The following RELN variants were observed in gnomAD, a reference collection of about 807,000 sequenced individuals.
RELN encodes the protein reelin.
In RELN, 108 loss-of-function variants were observed where a neutral mutation model predicts 427.6. That is an observed-to-expected ratio of 0.25 (90% CI 0.22 to 0.30). The LOEUF is 0.30. Among genes scored for constraint, RELN ranks in the 10% least tolerant of loss-of-function variants. The probability of loss-of-function intolerance (pLI) is 1.00; values close to 1 mark genes in which losing one functional copy is unlikely to be tolerated. For missense variants in RELN, 3,715 were observed against 4,302.8 expected (o/e 0.86, Z 3.82); for synonymous variants, 1,524 against 1,513.4 (o/e 1.01, Z -0.16).
rs74734935 is a variant in RELN, at chr7:103,776,946, C to G, written c.474-319G>C. Among the ~76,000 whole-genome samples, 163 of 152,178 alleles carry G rather than the reference C, an allele frequency of 1.1e-3. 1 individual carries two copies. In the East Asian group the frequency reaches 0.026, roughly 25 times the overall value. The stretch of plus-strand genomic sequence containing the variant: ...CTTATTAAAATTTCTTCTTCAGGAG[C>G]CTTTGATATAAAATGTTTTGTGGAG... On this transcript the variant is annotated intron_variant, in intron 3 of 64. Transcript: ENST00000428762.
chr7:103,552,791 C>T (rs114490579), intron 40 of RELN, among the ~76,000 whole-genome samples: 1,583 of 152,074 alleles, frequency 0.01, 37 homozygotes, highest in African/African-American at 0.037. Flanking sequence ...TAAGCCACCA[C>T]GCCTGGCTGA....
chr7:103,958,758 T>G (rs1467652799), intron 1 of RELN, among the ~76,000 whole-genome samples: 5 of 151,834 alleles, frequency 3.3e-5, no homozygotes, highest in Non-Finnish European at 7.4e-5. Context: ...GCTTCTTCAT[T>G]GCAAAACTAA....
intron 2 of RELN, among the ~76,000 whole-genome samples, chr7:103,865,895 T>C (rs189957047): frequency 3.3e-5 from 5 of 152,256 alleles, no homozygotes; most frequent in African/African-American, 1.2e-4. Context: ...AAAGTATTTA[T>C]TGTGAAAGGC....
In RELN at chr7:103,566,226, A is replaced by G. The variant is rs537366000; in HGVS notation, c.4934T>C (p.Ile1645Thr). Reference protein sequence around the residue: ...MDTALIFTENIGKPRYAETWD... With the variant: ...MDTALIFTENTGKPRYAETWD... ...CTTTATCTGGTGACAATATATACCT[A>G]TGTTTTCAGTGAATATCAGAGCAGT... Residue 1645 changes from isoleucine to threonine, a missense_variant and splice_region_variant, in exon 33 of 65, where the codon ATA becomes ACA. Around this residue, in one of 4 missense-constraint regions of RELN, gnomAD observed 2,208 missense variants for 2,361.7 expected, o/e 0.93. Transcript: ENST00000428762. The G allele has an allele frequency of 3.5e-4, 564 of 1,610,570 alleles. 10 individuals carry two copies. The South Asian group carries it at 5.8e-3, about 17-fold the overall frequency.
At position 103,953,585 on chromosome 7, in the gene RELN, A is replaced by G. The variant is rs1448782880; in HGVS notation, c.226+35546T>C. On this transcript the variant is annotated intron_variant, in intron 1 of 64. Transcript: ENST00000428762. This position sits in a 1 kb window ranked among gnomAD's most constrained non-coding sequence, Gnocchi z 4.3. ...CAATCTAAATACCAAATGAGAGTGT[A>G]ATCTCAACTAGCAGTCGTAGTAAAA... Among the ~76,000 whole-genome samples the G allele has an allele frequency of 1.3e-5, 2 of 152,216 alleles. No homozygotes were observed. The highest frequency in any genetic ancestry group is 2.9e-5 in the Non-Finnish European group (2 of 68,044).
chr7:103,633,666 C>T (rs1424504453), intron 19 of RELN, among the ~76,000 whole-genome samples: 2 of 152,026 alleles, frequency 1.3e-5, no homozygotes, highest in African/African-American at 4.8e-5. Context: ...TGCAATAGCA[C>T]ATTAAATGTG....
In RELN at chr7:103,716,178, A is replaced by C. The variant is rs181145590; in HGVS notation, c.805+6962T>G. On this transcript the variant is annotated intron_variant, in intron 8 of 64. Transcript: ENST00000428762. ...GGTGGTACCATGCCTGCTCTTGTCA[A>C]TCTCTTTCCCAAATAATGAAGTCCT... Among the ~76,000 whole-genome samples, 301 of 152,028 alleles carry C rather than the reference A, an allele frequency of 2.0e-3. 1 individual carries two copies. The highest frequency in any genetic ancestry group is 6.6e-3 in the African/African-American group (273 of 41,462).
chr7:103,839,721 T>A (rs750780054), intron 2 of RELN, among the ~76,000 whole-genome samples: 1 of 152,220 alleles, frequency 6.6e-6, no homozygotes, highest in South Asian at 2.1e-4. Context: ...TACTATGACC[T>A]GGCACTACTC....
At chr7:103,504,321 A>G (rs2117043168) in intron 51 of RELN, 1 of 152,294 alleles carries the variant, frequency 6.6e-6, no homozygotes, top group African/African-American at 2.4e-5. Context: ...TCTTGTTGAA[A>G]CAAATTGCTT....
rs1281616617 is a variant in RELN at position 103,691,959 on chromosome 7, C to A, written c.1143+5894G>T. On this transcript the variant is annotated intron_variant, in intron 10 of 64. Coordinates refer to ENST00000428762, the MANE Select transcript of RELN (RefSeq NM_005045.4). ...ATACTAGTATTATTCCTGTTATAGG[C>A]AAGGACACTGAGAGGTTAAATAGCT... 2.6e-5 allele frequency among the ~76,000 whole-genome samples: 4 copies of A among 152,024 alleles called. No individual in the cohort carries two copies. The East Asian group carries it at 7.7e-4, about 29-fold the overall frequency.
chr7:103,914,013 T>C (rs1456234620), intron 2 of RELN, among the ~76,000 whole-genome samples: 1 of 152,208 alleles, frequency 6.6e-6, no homozygotes, highest in Non-Finnish European at 1.5e-5. Context: ...TTTGGACCAT[T>C]AAACCAATGA....
chr7:103,890,644 C>G (rs1466815236), intron 2 of RELN, among the ~76,000 whole-genome samples: 1 of 152,092 alleles, frequency 6.6e-6, no homozygotes, highest in Non-Finnish European at 1.5e-5. Context: ...GACCGCTGCA[C>G]TATGATACTC....
At chr7:103,647,523 AT>A (rs1368819706) in intron 16 of RELN, among the ~76,000 whole-genome samples, 2 of 143,326 alleles carry the variant, frequency 1.4e-5, no homozygotes, top group African/African-American at 5.1e-5. Context: ...AAGAGAAACT[AT>A]GAAACACTGA....
chr7:103,890,997 G>C (rs912779698), intron 2 of RELN, among the ~76,000 whole-genome samples: 2 of 152,078 alleles, frequency 1.3e-5, no homozygotes, highest in Non-Finnish European at 1.5e-5. Flanking sequence ...GAGGAGAATC[G>C]CTTGAATCTG....
At position 103,498,260 on chromosome 7, in the gene RELN, T is replaced by C. The variant is rs756973928; in HGVS notation, c.8668-8A>G. On this transcript the variant is annotated splice_polypyrimidine_tract_variant and splice_region_variant and intron_variant, in intron 53 of 64. Transcript: ENST00000428762. ...GCGTTCCTTCAGGAAAGTCTGGAAA[T>C]AAAATAAGCCAGATGTGGTTAAAAA... 3.7e-6 allele frequency: 6 copies of C among 1,612,516 alleles called. No homozygotes were observed. Among genetic ancestry groups the C allele is most frequent in the Non-Finnish European group, 5.1e-6 (6 of 1,178,944 alleles).
chr7:103,652,780 G>GAATCACTCA (rs1242591042), intron 13 of RELN, 21 bp from the exon 14 acceptor site: 3 of 1,606,680 alleles, frequency 1.9e-6, no homozygotes, highest in Middle Eastern at 3.3e-4. Context: ...AAGGAGACCA[G>GAATCACTCA]AATCACTCAA....
At position 103,542,723 on chromosome 7, in the gene RELN, A is replaced by G. The variant is rs362758; in HGVS notation, c.6671+8T>C. ...TGGTTTTTTTCAACAGCATCTAAAA[A>G]TGATTACCTAGCATGTGATAAATCC... On this transcript the variant is annotated splice_region_variant and intron_variant, in intron 43 of 64. Transcript: ENST00000428762. The G allele has an allele frequency of 2.1e-3, 3,445 of 1,614,042 alleles. 64 individuals carry two copies. The African/African-American group carries it at 0.039, about 18-fold the overall frequency.
intron 3 of RELN, among the ~76,000 whole-genome samples, chr7:103,808,458 C>T (rs1792655256): frequency 6.6e-6 from 1 of 151,984 alleles, no homozygotes; most frequent in Non-Finnish European, 1.5e-5. Context: ...TTCTTCAACT[C>T]CTGCTCCCCC....
chr7:103,522,976 A>G (rs73418516), intron 47 of RELN, among the ~76,000 whole-genome samples: 10,834 of 152,242 alleles, frequency 0.071, 1,286 homozygotes, highest in African/African-American at 0.25. Flanking sequence ...TAGGCAAACA[A>G]CATAGCAATA....
Sources: gnomAD v4.1 joint callset for allele counts (sites outside exome capture counted in the v4.1 genomes callset) on GRCh38, gnomAD v4.1.1 for gene constraint, gnomAD v4.1.1 regional missense constraint, Gnocchi (gnomAD v3.1) non-coding constraint, MANE v1.5 for transcripts, NCBI Gene and HGNC (gene_info 2026-07-23, HGNC 2026-07-21) for gene names.